Variants in MICAL2 observed in about 807,000 individuals in gnomAD.
MICAL2 encodes [F-actin]-monooxygenase MICAL2.
Under a neutral mutation model 127.3 loss-of-function variants are expected in MICAL2, and 77 were observed. That is an observed-to-expected ratio of 0.60 (90% CI 0.50 to 0.73). The LOEUF is 0.73. Ranked by LOEUF, MICAL2 falls within the 30% of genes least tolerant of loss-of-function variation. The pLI is 0.00. For synonymous variants in MICAL2, 570 were observed against 551.1 expected, an observed-to-expected ratio of 1.03 and a Z score of -0.48; for missense variants, 1,351 against 1,434.4, an observed-to-expected ratio of 0.94 and a Z score of 0.94.
At chr11:12,351,126 A>T (rs1440625644) in intron 33 of MICAL2, among the ~76,000 whole-genome samples, 1 of 152,236 alleles carries the variant, frequency 6.6e-6, no homozygotes, top group Admixed American at 6.5e-5. Flanking sequence ...ACTTAATTGC[A>T]TCTGCAAAGA....
intron 3 of MICAL2, among the ~76,000 whole-genome samples, chr11:12,186,573 C>T (rs1858314917): frequency 6.6e-6 from 1 of 152,040 alleles, no homozygotes; most frequent in South Asian, 2.1e-4. Context: ...TGCATGGTCT[C>T]TTCATTTTGC....
chr11:12,271,081 C>G (rs949144007), upstream of MICAL2, among the ~76,000 whole-genome samples: 1 of 152,136 alleles, frequency 6.6e-6, no homozygotes, highest in Non-Finnish European at 1.5e-5. Flanking sequence ...ATAGGTAGGC[C>G]TTGGACCCGG....
At chr11:12,264,279 G>C (rs1183136273), downstream of MICAL2, among the ~76,000 whole-genome samples, 1 of 152,174 alleles carries the variant, frequency 6.6e-6, no homozygotes, top group African/African-American at 2.4e-5. Context: ...TCAATATTAG[G>C]ATGGCAATGA....
At chr11:12,231,808 A>G (rs1010194861) in intron 15 of MICAL2, among the ~76,000 whole-genome samples, 1 of 152,218 alleles carries the variant, frequency 6.6e-6, no homozygotes, top group Non-Finnish European at 1.5e-5. Context: ...GGGCCAGCAC[A>G]GGGCCCTGGA....
At chr11:12,270,730 T>C (rs535708772) in intron 24 of MICAL2, among the ~76,000 whole-genome samples, 19 of 152,334 alleles carry the variant, frequency 1.2e-4, no homozygotes, top group Admixed American at 8.5e-4. Context: ...CAGTGGACAG[T>C]GGCCAGAGAT....
downstream of MICAL2, among the ~76,000 whole-genome samples, chr11:12,292,505 C>A (rs1863918202): frequency 6.6e-6 from 1 of 152,210 alleles, no homozygotes; most frequent in Non-Finnish European, 1.5e-5. Context: ...CACAGCCATC[C>A]CTGAGGACAC....
chr11:12,133,710 C>G (rs1047599869), intron 1 of MICAL2, among the ~76,000 whole-genome samples: 1 of 152,170 alleles, frequency 6.6e-6, no homozygotes, highest in Non-Finnish European at 1.5e-5. Context: ...AAATCTTGCC[C>G]TCAAGAGCAG....
At chr11:12,340,007 G>A (rs141707765) in intron 32 of MICAL2, among the ~76,000 whole-genome samples, 137 of 152,288 alleles carry the variant, frequency 9.0e-4, no homozygotes, top group African/African-American at 3.2e-3. Context: ...CATCTTCTGC[G>A]TCGCTCACGC....
At chr11:12,306,919 T>C (rs1376586900) in intron 29 of MICAL2, among the ~76,000 whole-genome samples, 1 of 152,248 alleles carries the variant, frequency 6.6e-6, no homozygotes, top group Non-Finnish European at 1.5e-5. Flanking sequence ...TCTATGAACA[T>C]TAATGTACAG....
intron 3 of MICAL2, among the ~76,000 whole-genome samples, chr11:12,188,200 G>C (rs1056497988): frequency 6.6e-6 from 1 of 152,212 alleles, no homozygotes; most frequent in African/African-American, 2.4e-5. Context: ...ATATTTTATC[G>C]ATACTTTTTA....
intron 22 of MICAL2, 38 bp downstream of exon 22, chr11:12,249,284 T>A (rs1173997757): frequency 1.6e-6 from 2 of 1,225,596 alleles, no homozygotes; most frequent in Admixed American, 1.7e-5. Flanking sequence ...CTGCCTCACC[T>A]GCAAAGGGGG....
intron 2 of MICAL2, among the ~76,000 whole-genome samples, chr11:12,157,286 C>T (rs1239416902): frequency 6.6e-6 from 1 of 152,190 alleles, no homozygotes; most frequent in Non-Finnish European, 1.5e-5. Context: ...GGCTCCTCCT[C>T]TCATTTGGAG....
In MICAL2 at chr11:12,190,968, C is replaced by T. The variant is rs58890429; in HGVS notation, c.265-13282C>T. 9.3e-3 allele frequency among the ~76,000 whole-genome samples: 1,423 copies of T among 152,268 alleles called. 24 individuals are homozygous for T. Among genetic ancestry groups the T allele is most frequent in the African/African-American group, 0.033 (1,366 of 41,526 alleles). The stretch of plus-strand genomic sequence containing the variant: ...TATAGACTATTATATTTCAGTTAGC[C>T]TCAGTGTGCATCCTGATTTGGGGTA... On this transcript the variant is annotated intron_variant, in intron 3 of 27. Coordinates refer to ENST00000683283, the MANE Select transcript of MICAL2 (RefSeq NM_001282663.2).
rs145203421 is a variant in MICAL2, at chr11:12,262,069, C to T, written c.3335-411C>T. The T allele has an allele frequency of 4.6e-5, 50 of 1,081,270 alleles. 1 individual carries two copies. In the Admixed American group the frequency reaches 2.1e-3, roughly 46 times the overall value. 67.0% of individuals were successfully genotyped at this position (1,081,270 alleles called of 1,614,324 possible). ...TTTGAATTACTGTGGCGAGACAGGG[C>T]GTGCCTGTCAGAAATCTGAGATGTT... On this transcript the variant is annotated intron_variant, in intron 26 of 27. Coordinates refer to ENST00000683283, the MANE Select transcript of MICAL2 (RefSeq NM_001282663.2).
chr11:12,327,257 G>A (rs749909651), exon 32 of MICAL2: 4 of 1,550,250 alleles, frequency 2.6e-6, no homozygotes. Flanking sequence ...GGCGTTGCGA[G>A]GAGAAGCAGG....
chr11:12,152,297 C>CAAAAAAAAA (rs540812572), intron 2 of MICAL2, among the ~76,000 whole-genome samples: 80 of 38,324 alleles, frequency 2.1e-3, no homozygotes, highest in Middle Eastern at 0.026. Flanking sequence ...GACTCTGTCT[C>CAAAAAAAAA]AAAAAAAAAA....
At position 12,239,435 on chromosome 11, in the gene MICAL2, G is replaced by A; in HGVS notation, c.2065-1G>A. 1 of 1,614,004 alleles carries A rather than the reference G, an allele frequency of 6.2e-7. No individual in the cohort carries two copies. Among genetic ancestry groups the A allele is most frequent in the African/African-American group, 1.3e-5 (1 of 75,038 alleles). On this transcript the variant is annotated splice_acceptor_variant, in intron 16 of 27. Coordinates refer to ENST00000683283, the MANE Select transcript of MICAL2 (RefSeq NM_001282663.2). LOFTEE classifies it high-confidence loss of function. ...TCAGTGTCCCGTTTCAACCTTTGCA[G>A]CCTTCAAACTTTTCCAGCCGTAGCT...
chr11:12,265,719 A>T (rs1863602380), downstream of MICAL2, among the ~76,000 whole-genome samples: 1 of 152,250 alleles, frequency 6.6e-6, no homozygotes, highest in Non-Finnish European at 1.5e-5. Flanking sequence ...GGCTATGAAC[A>T]GGCAATTTAC....
chr11:12,115,437 G>A (rs1849927239), intron 1 of MICAL2, among the ~76,000 whole-genome samples: 1 of 151,994 alleles, frequency 6.6e-6, no homozygotes, highest in Non-Finnish European at 1.5e-5. Context: ...GTTTGTTTGG[G>A]GCTTTTTTTC....
Sources: allele counts gnomAD v4.1 joint callset (sites outside exome capture counted in the v4.1 genomes callset), GRCh38; gene constraint gnomAD v4.1.1; transcripts MANE v1.5; gene names NCBI Gene and HGNC (gene_info 2026-07-23, HGNC 2026-07-21).